The following CAAP1 variants were observed in gnomAD, a reference collection of about 807,000 sequenced individuals.
CAAP1 encodes the protein caspase activity and apoptosis inhibitor 1, also known as conserved anti-apoptotic protein.
Under a neutral mutation model 34.0 loss-of-function variants are expected in CAAP1, and 20 were observed. The ratio of observed to expected loss-of-function variants is 0.59; its 90% CI spans 0.41 to 0.86. The LOEUF (loss-of-function observed/expected upper bound fraction) is 0.86. Ranked by LOEUF, CAAP1 falls within the 40% of genes least tolerant of loss-of-function variation. CAAP1 has a pLI of 0.00. For missense variants in CAAP1, 538 were observed against 450.5 expected, an observed-to-expected ratio of 1.19 and a Z score of -1.76; for synonymous variants, 213 against 166.7, an observed-to-expected ratio of 1.28 and a Z score of -2.14.
intron 4 of CAAP1, among the ~76,000 whole-genome samples, chr9:26,871,692 G>A (rs941767738): frequency 9.9e-5 from 15 of 152,018 alleles, no homozygotes; most frequent in African/African-American, 3.4e-4. Flanking sequence ...GGGAAGCCGA[G>A]GTGGGTGGGT....
At position 26,861,143 on chromosome 9, in the gene CAAP1, G is replaced by T; in HGVS notation, c.666-4C>A. 6.3e-7 allele frequency: 1 copy of T among 1,598,280 alleles called. No homozygotes were observed. The highest frequency in any genetic ancestry group is 8.6e-7 in the Non-Finnish European group (1 of 1,167,608). The stretch of plus-strand genomic sequence containing the variant: ...AGAATCTATACAGATGTCTTGCCTG[G>T]GAAATGAAAATAAGATCAACCTTTA... On this transcript the variant is annotated splice_region_variant and splice_polypyrimidine_tract_variant and intron_variant, in intron 4 of 5. Coordinates refer to ENST00000333916, the MANE Select transcript of CAAP1 (RefSeq NM_024828.4).
At chr9:26,867,002 C>T (rs1214262256) in intron 4 of CAAP1, among the ~76,000 whole-genome samples, 1 of 152,090 alleles carries the variant, frequency 6.6e-6, no homozygotes, top group East Asian at 1.9e-4. Context: ...GCAAGCATTA[C>T]GGCCTGAGCT....
At chr9:26,887,888 T>C (rs942306721) in intron 1 of CAAP1, among the ~76,000 whole-genome samples, 1 of 152,176 alleles carries the variant, frequency 6.6e-6, no homozygotes, top group African/African-American at 2.4e-5. Context: ...TATAAATAAA[T>C]TGAAGTAAAG....
chr9:26,864,883 G>A (rs1235651733), intron 4 of CAAP1, among the ~76,000 whole-genome samples: 2 of 152,098 alleles, frequency 1.3e-5, no homozygotes, highest in African/African-American at 4.8e-5. Flanking sequence ...TTTCTGTAAA[G>A]ATTTTCTGAA....
intron 4 of CAAP1, among the ~76,000 whole-genome samples, chr9:26,864,861 G>A (rs1823094456): frequency 6.6e-6 from 1 of 152,170 alleles, no homozygotes. Context: ...TATTGCCAGT[G>A]ATTAGTAATA....
At chr9:26,863,735 AT>A (rs1265114168) in intron 4 of CAAP1, among the ~76,000 whole-genome samples, 2 of 150,314 alleles carry the variant, frequency 1.3e-5, no homozygotes, top group African/African-American at 4.9e-5. Context: ...TGGGTTAAGA[AT>A]TTTGCAATTA....
chr9:26,864,736 T>C (rs1216193378), intron 4 of CAAP1, among the ~76,000 whole-genome samples: 1 of 152,230 alleles, frequency 6.6e-6, no homozygotes, highest in Admixed American at 6.5e-5. Context: ...ATATTACTGT[T>C]TTAATGTCCT....
In CAAP1 at chr9:26,888,208, C is replaced by T. The variant is rs906500848; in HGVS notation, c.304-695G>A. On this transcript the variant is annotated intron_variant, in intron 1 of 5. Transcript: ENST00000333916. ...CAGAATGGATTTTATAAAATGTATACGTACTCATCCTTCTTGTTTAAAACT... is the reference window on the plus strand; with the variant it reads ...CAGAATGGATTTTATAAAATGTATATGTACTCATCCTTCTTGTTTAAAACT... Among the ~76,000 whole-genome samples, 7 of 152,276 alleles carry T rather than the reference C, an allele frequency of 4.6e-5. No individual in the cohort carries two copies. The South Asian group carries it at 6.2e-4, about 14-fold the overall frequency.
chr9:26,889,709 T>C (rs1823851318), intron 1 of CAAP1, among the ~76,000 whole-genome samples: 1 of 150,862 alleles, frequency 6.6e-6, no homozygotes, highest in Non-Finnish European at 1.5e-5. Flanking sequence ...CTACTAAAAA[T>C]ACAAAAGCAT....
In CAAP1 at chr9:26,841,395, A is replaced by G. The variant is rs965316809; in HGVS notation, c.*906T>C. ...GTAATTTATTTACAAAAACTATACA[A>G]AATTAGATTAATTATAACAACAACT... On this transcript the variant is annotated 3_prime_UTR_variant, in exon 6 of 6. Transcript: ENST00000333916. 1 of 152,580 alleles carries G rather than the reference A, an allele frequency of 6.6e-6. No homozygotes were observed. Among genetic ancestry groups the G allele is most frequent in the Non-Finnish European group, 1.5e-5 (1 of 67,990 alleles). 9.5% of individuals were successfully genotyped at this position (152,580 alleles called of 1,614,324 possible). A position where few individuals can be genotyped will look rare whatever the true frequency, so the allele number is the denominator to read the frequency against.
At chr9:26,866,436 C>A (rs1309707214) in intron 4 of CAAP1, among the ~76,000 whole-genome samples, 3 of 151,966 alleles carry the variant, frequency 2.0e-5, no homozygotes, top group African/African-American at 7.3e-5. Flanking sequence ...ACTGTGGTTG[C>A]CTATAGGAAG....
intron 4 of CAAP1, among the ~76,000 whole-genome samples, chr9:26,865,896 G>C (rs963194659): frequency 6.6e-6 from 1 of 151,966 alleles, no homozygotes; most frequent in Non-Finnish European, 1.5e-5. Flanking sequence ...GCCCAAGCTG[G>C]AGTGTAGTGG....
In CAAP1 at chr9:26,870,026, A is replaced by T. The variant is rs920286742; in HGVS notation, c.666-8887T>A. 8 of 722,842 alleles carry T rather than the reference A, an allele frequency of 1.1e-5. No homozygotes were observed. The African/African-American group carries it at 1.6e-4, about 14-fold the overall frequency. 44.8% of individuals were successfully genotyped at this position (722,842 alleles called of 1,614,324 possible). A position where few individuals can be genotyped will look rare whatever the true frequency, so the allele number is the denominator to read the frequency against. On this transcript the variant is annotated intron_variant, in intron 4 of 5. Coordinates refer to ENST00000333916, the MANE Select transcript of CAAP1 (RefSeq NM_024828.4). ...ACAGTTTAAAAGTTAGGTTTCTGTA[A>T]TAGAAAGAATAACTTTTTTTTTTTT...
At chr9:26,854,723 T>C (rs541362344) in intron 5 of CAAP1, among the ~76,000 whole-genome samples, 37 of 152,218 alleles carry the variant, frequency 2.4e-4, no homozygotes, top group South Asian at 4.1e-4. Flanking sequence ...ACAACCCAGT[T>C]TTTAAAATGC....
At chr9:26,876,472 G>GGT (rs1554652213) in intron 4 of CAAP1, among the ~76,000 whole-genome samples, 17,131 of 125,484 alleles carry the variant, frequency 0.14, 1,961 homozygotes, top group East Asian at 0.67. Flanking sequence ...ATTCTAGAAG[G>GGT]TTTTTTTTTT....
Position 26,842,505 on chromosome 9 carries a change from C to T in CAAP1, c.882G>A (p.Leu294=), listed in dbSNP as rs1822504989. The change falls in exon 6 of 6, where the codon CTG becomes CTA. Residue 294 remains leucine, a synonymous_variant. Transcript: ENST00000333916. ...TCACACTTTTCTCAATGTCTTTCTC[C>T]AGGTCATCTATCTGACCAGCTTCAC... is the stretch of plus-strand genomic sequence containing the variant. The part of the protein sequence containing the change: ...VQSEAGQIDD[L]EKDIEKSVNE... 1.2e-6 allele frequency: 2 copies of T among 1,614,178 alleles called. No individual in the cohort carries two copies. The highest frequency in any genetic ancestry group is 1.7e-5 in the Admixed American group (1 of 60,014).
intron 4 of CAAP1, among the ~76,000 whole-genome samples, chr9:26,884,546 G>C (rs112363131): frequency 0.042 from 6,434 of 152,232 alleles, 468 homozygotes; most frequent in African/African-American, 0.15. Flanking sequence ...CCAAATGGGA[G>C]TGATTCTGCT....
Position 26,892,671 on chromosome 9 carries a change from G to A in CAAP1, c.45C>T (p.Ser15=), listed in dbSNP as rs747382386. The change falls in exon 1 of 6, where the codon AGC becomes AGT. Residue 15 remains serine (S), a synonymous_variant. Transcript: ENST00000333916. ...CGAGCGCTGCGGCCGCCTCCTGACTGCTACGTTTGCGCCGTTTCTCCCGGG... is the reference window on the plus strand; with the variant it reads ...CGAGCGCTGCGGCCGCCTCCTGACTACTACGTTTGCGCCGTTTCTCCCGGG... ...KSSREKRRKR[S]SQEAAAALAA... is the part of the protein sequence containing the mutation. 1 of 1,606,134 alleles carries A rather than the reference G, an allele frequency of 6.2e-7. No individual in the cohort carries two copies. The highest frequency in any genetic ancestry group is 1.7e-5 in the Admixed American group (1 of 59,838).
chr9:26,868,549 A>AT (rs1823194604), intron 4 of CAAP1, among the ~76,000 whole-genome samples: 3 of 152,236 alleles, frequency 2.0e-5, no homozygotes, highest in Admixed American at 6.5e-5. Context: ...CTCCAGAACT[A>AT]TAAGAAAATA....
Sources: gnomAD v4.1 joint callset for allele counts (sites outside exome capture counted in the v4.1 genomes callset) on GRCh38, gnomAD v4.1.1 for gene constraint, MANE v1.5 for transcripts, NCBI Gene and HGNC (gene_info 2026-07-23, HGNC 2026-07-21) for gene names.